KLHDC4: variants seen among roughly 807,000 people sequenced by gnomAD.
The protein encoded by KLHDC4 is kelch domain containing 4.
KLHDC4 carries 90 observed loss-of-function variants against 62.4 expected under a neutral mutation model. The observed-to-expected ratio is 1.44, with a 90% CI of 1.22 to 1.72. KLHDC4 has a LOEUF of 1.72. Ranked by LOEUF, KLHDC4 falls within the 40% of genes most tolerant of loss-of-function variation. The pLI is 0.00. For synonymous variants in KLHDC4, 386 were observed against 284.4 expected (o/e 1.36, Z -3.59); for missense variants, 1,025 against 699.7 (o/e 1.47, Z -5.25).
In KLHDC4 at chr16:87,709,155, G is replaced by A. The variant is rs942401206; in HGVS notation, c.1447+110C>T. On this transcript the variant is annotated intron_variant, in intron 10 of 11. Transcript: ENST00000270583. ...GGAGGCAGGAGCACAGGCGAGAAGTGTCGGCACAGGCCGCCTCTGGGCAGC... is the reference window on the plus strand; with the variant it reads ...GGAGGCAGGAGCACAGGCGAGAAGTATCGGCACAGGCCGCCTCTGGGCAGC... 8.7e-6 allele frequency: 12 copies of A among 1,371,696 alleles called. No individual in the cohort carries two copies. In the African/African-American group the frequency reaches 1.3e-4, roughly 15 times the overall value. The allele number at this position is 1,371,696 out of a possible 1,614,324, so 85.0% of individuals were successfully genotyped here.
chr16:87,741,063 C>G (rs975357661), intron 5 of KLHDC4: 1 of 152,300 alleles, frequency 6.6e-6, no homozygotes, highest in South Asian at 2.1e-4. Flanking sequence ...CCCTCATTTC[C>G]AAACCATTAT....
chr16:87,702,247 G>A (rs780332634), exon 14 of KLHDC4: 5 of 456,234 alleles, frequency 1.1e-5, no homozygotes, highest in African/African-American at 1.0e-4. Flanking sequence ...CAGTGGCTCT[G>A]CCAGGCGCCG....
intron 7 of KLHDC4, among the ~76,000 whole-genome samples, chr16:87,717,622 A>C (rs374665589): frequency 6.6e-6 from 1 of 152,208 alleles, no homozygotes; most frequent in East Asian, 1.9e-4. Flanking sequence ...GATTGAGACT[A>C]GTCTCTTTTT....
chr16:87,762,609 G>C (rs2046053964), intron 1 of KLHDC4, among the ~76,000 whole-genome samples: 1 of 152,220 alleles, frequency 6.6e-6, no homozygotes, highest in Admixed American at 6.5e-5. Flanking sequence ...AGCAAGACTT[G>C]TGTCTAGTTA....
intron 8 of KLHDC4, 109 bp downstream of exon 8, chr16:87,714,389 C>G (rs2036514382): frequency 4.0e-6 from 5 of 1,245,810 alleles, no homozygotes; most frequent in Non-Finnish European, 5.1e-6. Context: ...CCGCTCCGGG[C>G]AGGGTGCAGG....
In KLHDC4 at chr16:87,716,862, G is replaced by A. The variant is rs2037100545; in HGVS notation, c.760-2289C>T. 1.3e-5 allele frequency among the ~76,000 whole-genome samples: 2 copies of A among 152,172 alleles called. 1 individual carries two copies. The highest frequency in any genetic ancestry group is 4.1e-4 in the South Asian group (2 of 4,830). ...CAGGAGAATGGCATGAACCCAGGAG[G>A]CGGAGCTTGCAGTGAGCCGAGATCT... On this transcript the variant is annotated intron_variant, in intron 7 of 11. Transcript: ENST00000270583.
chr16:87,743,746 A>C (rs1444945194), intron 5 of KLHDC4, among the ~76,000 whole-genome samples: 1 of 151,800 alleles, frequency 6.6e-6, no homozygotes, highest in African/African-American at 2.4e-5. Flanking sequence ...CCTCAAAAAA[A>C]ATAAAAATAA....
intron 5 of KLHDC4, among the ~76,000 whole-genome samples, chr16:87,748,042 A>T (rs548877816): frequency 1.3e-5 from 2 of 152,358 alleles, no homozygotes; most frequent in South Asian, 4.1e-4. Context: ...CTGTCATTCG[A>T]CTAGACTTCT....
intron 6 of KLHDC4, among the ~76,000 whole-genome samples, chr16:87,730,174 G>T (rs116260859): frequency 3.9e-5 from 6 of 152,122 alleles, no homozygotes; most frequent in African/African-American, 1.2e-4. Flanking sequence ...CGCTGGTTTC[G>T]AACTCTTGAG....
At chr16:87,742,397 T>G (rs902752981) in intron 5 of KLHDC4, among the ~76,000 whole-genome samples, 67 of 152,196 alleles carry the variant, frequency 4.4e-4, no homozygotes, top group African/African-American at 1.5e-3. Context: ...AAACCTACAC[T>G]ACTTTCATTA....
At chr16:87,714,265 GCTT>G in intron 8 of KLHDC4, 1 of 483,094 alleles carries the variant, frequency 2.1e-6, no homozygotes, top group African/African-American at 2.1e-5. Context: ...CAGCGCCCGT[GCTT>G]CTCAGTCAGT....
rs1178312760 is a variant in KLHDC4, at chr16:87,755,209, C to T, written c.354G>A (p.Arg118=). ...TKVDIPSPPP[R]RCAHQAVVVP... ...CTGACATTACCTGGTGAGCACAGCG[C>T]CTCGGAGGTGGACTGGGGATGTCAA... Residue 118 remains arginine, a synonymous_variant, in exon 4 of 12, where the codon AGG becomes AGA. Coordinates refer to ENST00000270583, the MANE Select transcript of KLHDC4 (RefSeq NM_017566.4). 1 of 1,609,610 alleles carries T rather than the reference C, an allele frequency of 6.2e-7. No homozygotes were observed.
chr16:87,701,273 C>T, exon 1 of KLHDC4: 1 of 235,242 alleles, frequency 4.3e-6, no homozygotes, highest in South Asian at 5.8e-5. Flanking sequence ...GAAGTCAACG[C>T]CACCAAAGCA....
intron 6 of KLHDC4, among the ~76,000 whole-genome samples, chr16:87,728,694 C>T (rs1021699433): frequency 3.9e-5 from 6 of 152,060 alleles, no homozygotes; most frequent in African/African-American, 1.4e-4. Context: ...TAAGAATGAA[C>T]ATAAGGCTAG....
rs1464860785 is a variant in KLHDC4, at chr16:87,752,047, G to A, written c.369+3147C>T. On this transcript the variant is annotated intron_variant, in intron 4 of 11. Transcript: ENST00000270583. ...GGAGGTTGCAGTGAGCCGAGATCGC[G>A]CCACTGCACTCCAGCCTGGGCAACA... Among the ~76,000 whole-genome samples, 10 of 116,760 alleles carry A rather than the reference G, an allele frequency of 8.6e-5. No homozygotes were observed. In the East Asian group the frequency reaches 1.1e-3, roughly 13 times the overall value. The allele number at this position is 116,760 out of a possible 152,430, so 76.6% of individuals were successfully genotyped here.
At chr16:87,730,738 G>A in intron 5 of KLHDC4, 94 bp from the exon 6 acceptor site, 1 of 1,066,338 alleles carries the variant, frequency 9.4e-7, no homozygotes, top group Non-Finnish European at 1.4e-6. Flanking sequence ...TTTTTACACT[G>A]ATTTCTGTTT....
intron 6 of KLHDC4, chr16:87,729,499 C>G (rs1349887575): frequency 6.6e-6 from 1 of 152,280 alleles, no homozygotes; most frequent in South Asian, 2.1e-4. Flanking sequence ...TGCGACACTT[C>G]ACTCAGAACA....
In KLHDC4 at chr16:87,765,911, G is replaced by A; in HGVS notation, c.-21C>T. On this transcript the variant is annotated 5_prime_UTR_variant, in exon 1 of 12. Coordinates refer to ENST00000270583, the MANE Select transcript of KLHDC4 (RefSeq NM_017566.4). ...CCCATCTTGCCGGGTCCCAAGCCGC[G>A]ACGGGACACCAGGAAAGAAAACGGC... 2 of 1,549,592 alleles carry A rather than the reference G, an allele frequency of 1.3e-6. No individual in the cohort carries two copies. The highest frequency in any genetic ancestry group is 1.7e-6 in the Non-Finnish European group (2 of 1,146,014).
rs74878354 is a variant in KLHDC4, at chr16:87,745,058, A to T, written c.506+3615T>A. Reference sequence around the variant, plus strand: ...TTGTTCTGCATCCTGTTTTTTGTATATATTTTTGTACGAAATAAGAGGAAG... The same window carrying T: ...TTGTTCTGCATCCTGTTTTTTGTATTTATTTTTGTACGAAATAAGAGGAAG... On this transcript the variant is annotated intron_variant, in intron 5 of 11. Transcript: ENST00000270583. Among the ~76,000 whole-genome samples the T allele has an allele frequency of 7.0e-3, 1,062 of 152,334 alleles. 8 individuals are homozygous for T. The highest frequency in any genetic ancestry group is 0.012 in the Admixed American group (188 of 15,304).
Sources: gnomAD v4.1 joint callset for allele counts (sites outside exome capture counted in the v4.1 genomes callset) on GRCh38, gnomAD v4.1.1 for gene constraint, MANE v1.5 for transcripts, NCBI Gene and HGNC (gene_info 2026-07-23, HGNC 2026-07-21) for gene names.